The following IQCJ variants were observed in gnomAD, a reference collection of about 807,000 sequenced individuals.
IQCJ encodes IQ domain-containing protein J.
A neutral mutation model predicts 11.0 loss-of-function variants in IQCJ; 9 were observed. The observed-to-expected ratio is 0.82, with a 90% CI of 0.49 to 1.43. IQCJ has a LOEUF of 1.43. IQCJ is among the 40% of genes most tolerant of loss of function. The pLI is 0.00. For synonymous variants in IQCJ, 55 were observed against 51.3 expected (o/e 1.07, Z -0.31); for missense variants, 146 against 133.2 (o/e 1.10, Z -0.47).
At chr3:159,234,827 G>T (rs890350676) in intron 1 of IQCJ, among the ~76,000 whole-genome samples, 1 of 152,090 alleles carries the variant, frequency 6.6e-6, no homozygotes, top group Non-Finnish European at 1.5e-5. Flanking sequence ...CATTTGGATT[G>T]CTTCTTCACA....
intron 1 of IQCJ, among the ~76,000 whole-genome samples, chr3:159,083,031 T>G (rs1716433149): frequency 6.6e-6 from 1 of 152,054 alleles, no homozygotes; most frequent in East Asian, 1.9e-4. Context: ...ATAGAAAAAT[T>G]TTGAAACCTC....
chr3:159,135,494 A>G (rs1720236049), intron 1 of IQCJ, among the ~76,000 whole-genome samples: 1 of 152,172 alleles, frequency 6.6e-6, no homozygotes, highest in African/African-American at 2.4e-5. Context: ...AGGATAAGGC[A>G]GATGTTCCTG....
At chr3:159,196,669 G>T (rs1166064061) in intron 1 of IQCJ, among the ~76,000 whole-genome samples, 3 of 152,136 alleles carry the variant, frequency 2.0e-5, no homozygotes, top group Admixed American at 6.5e-5. Flanking sequence ...CAACTGTAAT[G>T]GCTCATGTCT....
At chr3:159,170,848 C>T (rs1011623407) in intron 1 of IQCJ, among the ~76,000 whole-genome samples, 2 of 152,156 alleles carry the variant, frequency 1.3e-5, no homozygotes, top group Non-Finnish European at 2.9e-5. Flanking sequence ...TAAAAAAGAA[C>T]AGTGAAGTCA....
intron 1 of IQCJ, among the ~76,000 whole-genome samples, chr3:159,210,252 C>A (rs1290665419): frequency 2.0e-5 from 3 of 152,150 alleles, no homozygotes; most frequent in Non-Finnish European, 4.4e-5. Flanking sequence ...CAAGGGCCAA[C>A]AATTTGAAAC....
intron 1 of IQCJ, among the ~76,000 whole-genome samples, chr3:159,238,600 G>T (rs1273543255): frequency 6.6e-6 from 1 of 152,202 alleles, no homozygotes; most frequent in Non-Finnish European, 1.5e-5. Context: ...GGGGAGGCAG[G>T]TAAAGAGTAA....
At chr3:159,092,357 A>G (rs1210847451) in intron 1 of IQCJ, among the ~76,000 whole-genome samples, 6 of 151,830 alleles carry the variant, frequency 4.0e-5, no homozygotes, top group Non-Finnish European at 8.8e-5. Flanking sequence ...CACTATGTGG[A>G]CCTTGATTGG....
chr3:159,212,944 A>G (rs1267982477), intron 1 of IQCJ, among the ~76,000 whole-genome samples: 1 of 152,162 alleles, frequency 6.6e-6, no homozygotes, highest in Admixed American at 6.5e-5. Flanking sequence ...AACACCAGTA[A>G]ACACTTTTCT....
At chr3:159,143,850 T>C (rs1720765279) in intron 1 of IQCJ, among the ~76,000 whole-genome samples, 1 of 152,202 alleles carries the variant, frequency 6.6e-6, no homozygotes, top group Non-Finnish European at 1.5e-5. Context: ...CTCATGGTTC[T>C]GGAGGCTACA....
At chr3:159,221,306 T>C (rs1725526270) in intron 1 of IQCJ, among the ~76,000 whole-genome samples, 1 of 152,132 alleles carries the variant, frequency 6.6e-6, no homozygotes, top group South Asian at 2.1e-4. Flanking sequence ...ATAATCAATA[T>C]AAGGTGCCTG....
At chr3:159,086,676 G>A (rs1716799637) in intron 1 of IQCJ, among the ~76,000 whole-genome samples, 1 of 151,814 alleles carries the variant, frequency 6.6e-6, no homozygotes, top group Non-Finnish European at 1.5e-5. Flanking sequence ...TCTCTTTGAA[G>A]CAATTGTGAA....
At chr3:159,200,728 C>G (rs759398751) in intron 1 of IQCJ, among the ~76,000 whole-genome samples, 1 of 152,140 alleles carries the variant, frequency 6.6e-6, no homozygotes, top group South Asian at 2.1e-4. Context: ...TGGCTGTACT[C>G]GGACAGAGAG....
chr3:159,256,496 T>A (rs749230334), intron 3 of IQCJ, among the ~76,000 whole-genome samples: 1 of 152,166 alleles, frequency 6.6e-6, no homozygotes, highest in South Asian at 2.1e-4. Flanking sequence ...TAAAAGAAGA[T>A]ATGAGAGAAG....
intron 1 of IQCJ, among the ~76,000 whole-genome samples, chr3:159,102,751 C>T (rs1381870097): frequency 1.3e-5 from 2 of 152,040 alleles, no homozygotes; most frequent in African/African-American, 4.8e-5. Context: ...TAGCTAGTGC[C>T]CAAACTTTTA....
At chr3:159,190,862 C>T (rs1723645749) in intron 1 of IQCJ, among the ~76,000 whole-genome samples, 1 of 152,186 alleles carries the variant, frequency 6.6e-6, no homozygotes, top group African/African-American at 2.4e-5. Flanking sequence ...GGAAAAGTTC[C>T]TAGCACATAG....
At chr3:159,191,642 TA>T (rs1345273600) in intron 1 of IQCJ, among the ~76,000 whole-genome samples, 1 of 152,148 alleles carries the variant, frequency 6.6e-6, no homozygotes, top group East Asian at 1.9e-4. Flanking sequence ...AGTTGAGAAA[TA>T]ATAACACTGC....
intron 1 of IQCJ, among the ~76,000 whole-genome samples, chr3:159,144,847 G>A (rs1478898688): frequency 2.0e-5 from 3 of 152,112 alleles, no homozygotes; most frequent in Non-Finnish European, 4.4e-5. Flanking sequence ...AATCAGATAC[G>A]AAGAAATGGC....
chr3:159,224,897 T>C (rs1303715012), intron 1 of IQCJ, among the ~76,000 whole-genome samples: 1 of 152,242 alleles, frequency 6.6e-6, no homozygotes, highest in Non-Finnish European at 1.5e-5. Flanking sequence ...CACAAAACAC[T>C]GGCAAGGATG....
chr3:159,109,095 G>C (rs1160686224), intron 1 of IQCJ, among the ~76,000 whole-genome samples: 1 of 152,214 alleles, frequency 6.6e-6, no homozygotes, highest in Non-Finnish European at 1.5e-5. Flanking sequence ...CTCTAGACAT[G>C]AGATCTCCAG....
Sources: gnomAD v4.1 joint callset for allele counts (sites outside exome capture counted in the v4.1 genomes callset) on GRCh38, gnomAD v4.1.1 for gene constraint, MANE v1.5 for transcripts, NCBI Gene and HGNC (gene_info 2026-07-23, HGNC 2026-07-21) for gene names.